CD207: variants seen among roughly 807,000 people sequenced by gnomAD.
CD207 encodes the protein C-type lectin domain family 4 member K.
Under a neutral mutation model 31.6 loss-of-function variants are expected in CD207, and 28 were observed. The ratio of observed to expected loss-of-function variants is 0.89; its 90% CI spans 0.66 to 1.21. CD207 has a LOEUF of 1.21. CD207 is among the 50% of genes most tolerant of loss of function. The probability of loss-of-function intolerance (pLI) is 0.00; values close to 1 mark genes in which losing one functional copy is unlikely to be tolerated. For synonymous variants in CD207, 168 were observed against 153.9 expected (o/e 1.09, Z -0.68); for missense variants, 388 against 397.8 (o/e 0.98, Z 0.21).
chr2:70,831,870 C>A, intron 4 of CD207, 51 bp from the exon 5 acceptor site: 1 of 1,201,264 alleles, frequency 8.3e-7, no homozygotes. Flanking sequence ...GGAGCTTGAT[C>A]ATCTGTCTCT....
chr2:70,835,580 A>C lies in CD207; in HGVS notation c.101T>G (p.Leu34Arg). 1 of 1,614,002 alleles carries C rather than the reference A, an allele frequency of 6.2e-7. No homozygotes were observed. Among genetic ancestry groups the C allele is most frequent in the South Asian group, 1.1e-5 (1 of 91,078 alleles). ...GACTGTGGGTGTTTTCCCCGGGACCAGAGATGGACCGGACTTGGGAGGAGG... is the reference window on the plus strand; with the variant it reads ...GACTGTGGGTGTTTTCCCCGGGACCCGAGATGGACCGGACTTGGGAGGAGG... Reference protein sequence around the residue: ...REPPPKSGPSLVPGKTPTVRA... With the variant: ...REPPPKSGPSRVPGKTPTVRA... Residue 34 changes from leucine to arginine, a missense_variant, in exon 2 of 6, where the codon CTG (leucine) becomes CGG (arginine). Leu to Arg is a moderately radical substitution (Grantham distance 102, BLOSUM62 -2). Transcript: ENST00000410009.
rs566206062 is a variant in CD207, at chr2:70,831,319, T to C, written c.837-119A>G. The stretch of plus-strand genomic sequence containing the variant: ...TTGTCCTAGGGAATGGCATAGCAAA[T>C]GTCTGCACCCAAGCCTCAGAGGAAG... On this transcript the variant is annotated intron_variant, in intron 5 of 5. Coordinates refer to ENST00000410009, the MANE Select transcript of CD207 (RefSeq NM_015717.5). 2.2e-5 allele frequency: 21 copies of C among 970,478 alleles called. No individual in the cohort carries two copies. The Admixed American group carries it at 5.1e-4, about 23-fold the overall frequency. The allele number at this position is 970,478 out of a possible 1,614,324, so 60.1% of individuals were successfully genotyped here.
intron 2 of CD207, among the ~76,000 whole-genome samples, chr2:70,834,466 C>T (rs1349274529): frequency 6.6e-6 from 1 of 152,050 alleles, no homozygotes; most frequent in Middle Eastern, 3.2e-3. Flanking sequence ...TCTGCTAGGA[C>T]AGCACCACTC....
rs1297050393 is a variant in CD207, at chr2:70,830,440, C to G, written c.*610G>C. The G allele has an allele frequency of 2.0e-5, 3 of 152,428 alleles. No homozygotes were observed. Among genetic ancestry groups the G allele is most frequent in the Admixed American group, 2.0e-4 (3 of 15,278 alleles). The allele number at this position is 152,428 out of a possible 1,614,324, so 9.4% of individuals were successfully genotyped here. A position where few individuals can be genotyped will look rare whatever the true frequency, so the allele number is the denominator to read the frequency against. ...AAGGAGAAGGGAGGCTGGGTGCCAG[C>G]CGAGCTCTGAAGGAGATACAAGTCC... On this transcript the variant is annotated 3_prime_UTR_variant, in exon 6 of 6. Transcript: ENST00000410009.
rs782750745 is a variant in CD207, at chr2:70,835,628, T to A, written c.74-21A>T. On this transcript the variant is annotated intron_variant, in intron 1 of 5. Transcript: ENST00000410009. ...AGGCTCTGTTGGAAGAAGAAGAAAA[T>A]GTGTGTTGAAGGAGCAGCAAAGGGC... The A allele has an allele frequency of 2.5e-6, 4 of 1,611,920 alleles. No individual in the cohort carries two copies. The Admixed American group carries it at 6.7e-5, about 27-fold the overall frequency.
At chr2:70,831,856 A>C in intron 4 of CD207, 37 bp from the exon 5 acceptor site, 1 of 1,323,558 alleles carries the variant, frequency 7.6e-7, no homozygotes, top group Non-Finnish European at 1.1e-6. Flanking sequence ...GTGCGGCCAC[A>C]CTTGGAGCTT....
downstream of CD207, among the ~76,000 whole-genome samples, chr2:70,828,674 C>CT (rs199616634): frequency 1.1e-4 from 17 of 151,474 alleles, no homozygotes; most frequent in East Asian, 1.9e-4. Context: ...GCAGTCACTT[C>CT]TTTTTTTTTG....
In CD207 at chr2:70,835,806, C is replaced by T. The variant is rs374876038; in HGVS notation, c.-30G>A. On this transcript the variant is annotated 5_prime_UTR_variant, in exon 1 of 6. In the 5' UTR this introduces an upstream ATG that the reference lacks. Transcript: ENST00000410009. ...AGTGCTCACCCTTATCCTGGGAGCA[C>T]AGGTGCTTCTGGCTGCCTGTCTCTC... 2,483 of 1,580,708 alleles carry T rather than the reference C, an allele frequency of 1.6e-3. 8 individuals carry two copies. The highest frequency in any genetic ancestry group is 4.3e-3 in the South Asian group (377 of 87,794).
At chr2:70,833,102 T>G in intron 3 of CD207, 51 bp from the exon 4 acceptor site, 1 of 1,599,998 alleles carries the variant, frequency 6.3e-7, no homozygotes, top group Non-Finnish European at 8.6e-7. Flanking sequence ...TTTCTTGGGA[T>G]GCTGGCTTGG....
downstream of CD207, among the ~76,000 whole-genome samples, chr2:70,829,538 G>A: frequency 6.6e-6 from 1 of 152,194 alleles, no homozygotes; most frequent in Non-Finnish European, 1.5e-5. Context: ...AAAACTGGGT[G>A]GCATGCAGCT....
intron 2 of CD207, among the ~76,000 whole-genome samples, chr2:70,834,487 G>C (rs933216350): frequency 8.6e-5 from 13 of 151,924 alleles, no homozygotes; most frequent in African/African-American, 3.1e-4. Flanking sequence ...CCCCACATCT[G>C]TCCATGGGCC....
chr2:70,831,582 A>G, intron 5 of CD207, 119 bp downstream of exon 5: 1 of 721,228 alleles, frequency 1.4e-6, no homozygotes, highest in East Asian at 2.6e-5. Context: ...TGTTCCTGTC[A>G]CTCTAAGACA....
intron 5 of CD207, 82 bp downstream of exon 5, chr2:70,831,619 G>T: frequency 2.3e-6 from 2 of 851,130 alleles, no homozygotes; most frequent in East Asian, 2.4e-5. Flanking sequence ...CCTGTCTCAT[G>T]GGGAACATCG....
rs376085335 is a variant in CD207 at position 70,831,085 on chromosome 2, T to C, written c.952A>G (p.Ile318Val). 4 of 1,613,480 alleles carry C rather than the reference T, an allele frequency of 2.5e-6. No individual in the cohort carries two copies. Among genetic ancestry groups the C allele is most frequent in the African/African-American group, 1.3e-5 (1 of 74,846 alleles). Residue 318 changes from isoleucine to valine, a missense_variant, in exon 6 of 6, where the codon ATT (isoleucine) becomes GTT (valine). Physicochemically the swap from Ile to Val is conservative, Grantham distance 29 (BLOSUM62 3). Coordinates refer to ENST00000410009, the MANE Select transcript of CD207 (RefSeq NM_015717.5). ...DAPCDKTFLFICKRPYVPSEP is the reference protein window; with the variant it reads ...DAPCDKTFLFVCKRPYVPSEP Reference sequence around the variant, plus strand: ...GATGGGACATAGGGTCGCTTACAAATGAAAAGAAACGTTTTGTCACATGGG... The same window carrying C: ...GATGGGACATAGGGTCGCTTACAAACGAAAAGAAACGTTTTGTCACATGGG...
At chr2:70,831,259 T>A (rs1677464719) in intron 5 of CD207, 59 bp from the exon 6 acceptor site, 1 of 1,541,114 alleles carries the variant, frequency 6.5e-7, no homozygotes, top group Non-Finnish European at 8.8e-7. Context: ...AGAACTTATT[T>A]CCAGTGAAGA....
At chr2:70,831,968 C>T in intron 4 of CD207, 149 bp from the exon 5 acceptor site, 1 of 628,544 alleles carries the variant, frequency 1.6e-6, no homozygotes, top group East Asian at 2.7e-5. Context: ...TGCCCTTGCC[C>T]AGAGCCCAGA....
chr2:70,831,439 G>C (rs115576620), intron 5 of CD207, among the ~76,000 whole-genome samples: 1 of 152,138 alleles, frequency 6.6e-6, no homozygotes, highest in Admixed American at 6.5e-5. Context: ...AACCCACACT[G>C]TGAAGACCTA....
chr2:70,826,832 T>C (rs1553398971), downstream of CD207, among the ~76,000 whole-genome samples: 1 of 152,252 alleles, frequency 6.6e-6, no homozygotes, highest in African/African-American at 2.4e-5. Context: ...CTATTGCATG[T>C]CTGTAGATCT....
chr2:70,835,390 G>A (rs1426592792), intron 2 of CD207, 101 bp downstream of exon 2: 1 of 804,026 alleles, frequency 1.2e-6, no homozygotes, highest in South Asian at 1.4e-5. Context: ...AAAAGCCACA[G>A]GCAGGAGAAA....
Sources: gnomAD v4.1 joint callset for allele counts (sites outside exome capture counted in the v4.1 genomes callset) on GRCh38, gnomAD v4.1.1 for gene constraint, MANE v1.5 for transcripts, NCBI Gene and HGNC (gene_info 2026-07-23, HGNC 2026-07-21) for gene names.